NLRC3: variants seen among roughly 807,000 people sequenced by gnomAD.
The protein encoded by NLRC3 is NLR family CARD domain-containing protein 3.
Under a neutral mutation model 91.6 loss-of-function variants are expected in NLRC3, and 87 were observed. That is an observed-to-expected ratio of 0.95 (90% CI 0.80 to 1.14). NLRC3 has a LOEUF of 1.14. NLRC3 is among the 50% of genes most tolerant of loss of function. NLRC3 has a pLI of 0.00. For synonymous variants in NLRC3, 694 were observed against 625.3 expected, an observed-to-expected ratio of 1.11 and a Z score of -1.64; for missense variants, 1,577 against 1,418.6, an observed-to-expected ratio of 1.11 and a Z score of -1.79.
At position 3,564,833 on chromosome 16, in the gene NLRC3, G is replaced by A. The variant is rs375442625; in HGVS notation, c.178+26C>T. The A allele has an allele frequency of 4.5e-5, 71 of 1,587,146 alleles. No individual in the cohort carries two copies. The highest frequency in any genetic ancestry group is 2.9e-4 in the East Asian group (13 of 44,494). On this transcript the variant is annotated intron_variant, in intron 4 of 19. Coordinates refer to ENST00000359128, the MANE Select transcript of NLRC3 (RefSeq NM_178844.4). The surrounding 1 kb of genome is among the most constrained non-coding windows in gnomAD (Gnocchi z 5.9). Reference sequence around the variant, plus strand: ...AATCAGCCCAGGTGTTCCCCACCCCGCGTCTGCCTCCCAAGCCGGTCCTAC... The same window carrying A: ...AATCAGCCCAGGTGTTCCCCACCCCACGTCTGCCTCCCAAGCCGGTCCTAC...
chr16:3,549,134 C>A lies in NLRC3; in HGVS notation c.2603+8G>T. The A allele has an allele frequency of 6.4e-7, 1 of 1,562,508 alleles. No individual in the cohort carries two copies. The highest frequency in any genetic ancestry group is 8.7e-7 in the Non-Finnish European group (1 of 1,151,476). ...CAGCCTGTGGAGTCACAGGCCCCCA[C>A]CACGTACTCCAGGTTCTTCAGGGTG... On this transcript the variant is annotated splice_region_variant and intron_variant, in intron 13 of 19. Transcript: ENST00000359128.
At chr16:3,565,102 C>A in intron 3 of NLRC3, 42 bp from the exon 4 acceptor site, 5 of 1,488,900 alleles carry the variant, frequency 3.4e-6, no homozygotes, top group Middle Eastern at 1.7e-4. Context: ...CCGTGCCCCC[C>A]ATCCAGCAGC....
chr16:3,566,014 T>C (rs1291564179), intron 2 of NLRC3, among the ~76,000 whole-genome samples: 1 of 148,294 alleles, frequency 6.7e-6, no homozygotes, highest in Non-Finnish European at 1.5e-5. Context: ...CACTCCAGCC[T>C]GGGTGACAGA....
intron 15 of NLRC3, among the ~76,000 whole-genome samples, chr16:3,547,308 G>T (rs1405853815): frequency 6.6e-6 from 1 of 152,164 alleles, no homozygotes; most frequent in Non-Finnish European, 1.5e-5. Context: ...GCCACGTGTC[G>T]TATGATTCTA....
At chr16:3,576,768 T>C (rs993156279) in intron 1 of NLRC3, among the ~76,000 whole-genome samples, 1 of 152,102 alleles carries the variant, frequency 6.6e-6, no homozygotes, top group Non-Finnish European at 1.5e-5. Context: ...GTTCAAGCGG[T>C]TCTCCTGCCT....
chr16:3,563,252 G>A lies in NLRC3; in HGVS notation c.1685C>T (p.Ala562Val). Residue 562 changes from alanine (A) to valine (V), a missense_variant, in exon 5 of 20, where the codon GCA (alanine) becomes GTA (valine). By Grantham distance (64) the Ala-to-Val change is moderately conservative. Coordinates refer to ENST00000359128, the MANE Select transcript of NLRC3 (RefSeq NM_178844.4). ...GCLRPDAAVC[A>V]RAINVLHCLH... is the part of the protein sequence containing the mutation. ...GCAGTGCAACACGTTGATGGCCCGT[G>A]CACAGACTGCGGCATCGGGGCGCAG... 1.2e-6 allele frequency: 2 copies of A among 1,606,402 alleles called. No homozygotes were observed. The highest frequency in any genetic ancestry group is 1.7e-6 in the Non-Finnish European group (2 of 1,178,384).
chr16:3,551,410 C>A (rs1398783843), intron 10 of NLRC3, among the ~76,000 whole-genome samples: 5 of 150,590 alleles, frequency 3.3e-5, no homozygotes, highest in African/African-American at 1.2e-4. Context: ...ACCCATCCAC[C>A]CATCTATTCA....
chr16:3,552,017 C>T (rs995584723), intron 10 of NLRC3, among the ~76,000 whole-genome samples, 179 bp downstream of exon 10: 1 of 151,708 alleles, frequency 6.6e-6, no homozygotes, highest in East Asian at 1.9e-4. Flanking sequence ...ATCCATCCAT[C>T]CATCCATTTA....
intron 1 of NLRC3, among the ~76,000 whole-genome samples, chr16:3,571,544 T>TAAAA (rs77866901): frequency 8.5e-6 from 1 of 118,182 alleles, no homozygotes. Context: ...ACCCTGGCTT[T>TAAAA]AAAAAAAAAA....
chr16:3,550,561 G>T, intron 10 of NLRC3, 64 bp from the exon 11 acceptor site: 5 of 1,246,672 alleles, frequency 4.0e-6, no homozygotes, highest in Non-Finnish European at 5.9e-6. Context: ...TGGGCAGAGG[G>T]ATCAGAGTCA....
chr16:3,577,147 A>T lies in NLRC3; in HGVS notation c.-169+2T>A, dbSNP rs868857755. On this transcript the variant is annotated splice_donor_variant, in intron 1 of 19. Transcript: ENST00000359128. LOFTEE classifies it low-confidence loss of function (5UTR_SPLICE). ...CACTGAGGTCACCTGGACCCAACTTACCTCCCGGGCCTCGATGCTGCTCCA... is the reference window on the plus strand; with the variant it reads ...CACTGAGGTCACCTGGACCCAACTTTCCTCCCGGGCCTCGATGCTGCTCCA... 1.1e-5 allele frequency: 8 copies of T among 701,358 alleles called. No individual in the cohort carries two copies. The Middle Eastern group carries it at 1.6e-3, about 141-fold the overall frequency. The allele number at this position is 701,358 out of a possible 1,614,324, so 43.4% of individuals were successfully genotyped here. A position where few individuals can be genotyped will look rare whatever the true frequency, so the allele number is the denominator to read the frequency against.
At chr16:3,565,469 CAAAAAAAAA>C (rs57860901) in intron 2 of NLRC3, 89 bp from the exon 3 acceptor site, 37 of 44,860 alleles carry the variant, frequency 8.2e-4, no homozygotes, top group African/African-American at 2.8e-3. Flanking sequence ...TGGGAAAAAG[CAAAAAAAAA>C]AAAAAAAAAA....
chr16:3,544,094 G>A (rs557108143), intron 16 of NLRC3, 152 bp downstream of exon 16: 1 of 594,820 alleles, frequency 1.7e-6, no homozygotes, highest in Non-Finnish European at 3.0e-6. Flanking sequence ...GGAGGTGGAG[G>A]TTACAGTTAG....
At position 3,548,318 on chromosome 16, in the gene NLRC3, G is replaced by A. The variant is rs1034178405; in HGVS notation, c.2688-100C>T. 13 of 891,080 alleles carry A rather than the reference G, an allele frequency of 1.5e-5. No homozygotes were observed. The African/African-American group carries it at 1.6e-4, about 11-fold the overall frequency. The allele number at this position is 891,080 out of a possible 1,614,324, so 55.2% of individuals were successfully genotyped here. A position where few individuals can be genotyped will look rare whatever the true frequency, so the allele number is the denominator to read the frequency against. On this transcript the variant is annotated intron_variant, in intron 14 of 19. Coordinates refer to ENST00000359128, the MANE Select transcript of NLRC3 (RefSeq NM_178844.4). Reference sequence around the variant, plus strand: ...GATGGCAGGAGGTGGAATCCCTGCAGGATGTGGCAGGAGAATTCCTGCAAC... The same window carrying A: ...GATGGCAGGAGGTGGAATCCCTGCAAGATGTGGCAGGAGAATTCCTGCAAC...
chr16:3,571,276 A>G (rs2040086855), intron 1 of NLRC3, among the ~76,000 whole-genome samples: 1 of 152,132 alleles, frequency 6.6e-6, no homozygotes, highest in East Asian at 1.9e-4. Flanking sequence ...GCACAATAAG[A>G]AAATATGAGA....
intron 9 of NLRC3, 29 bp from the exon 10 acceptor site, chr16:3,552,308 G>A (rs148744868): frequency 6.9e-5 from 107 of 1,539,924 alleles, no homozygotes; most frequent in Middle Eastern, 5.4e-4. Context: ...GGGTCCTTTA[G>A]AAAGGCTGGT....
intron 14 of NLRC3, 25 bp from the exon 15 acceptor site, chr16:3,548,243 CTA>C: frequency 6.7e-7 from 1 of 1,488,360 alleles, no homozygotes; most frequent in Non-Finnish European, 9.2e-7. Flanking sequence ...ACACATGTGA[CTA>C]TGTGACTATG....
At chr16:3,575,447 A>T (rs9930893) in intron 1 of NLRC3, among the ~76,000 whole-genome samples, 1 of 152,004 alleles carries the variant, frequency 6.6e-6, no homozygotes, top group African/African-American at 2.4e-5. Context: ...GACAGGTGGG[A>T]CTCGGGTTGC....
chr16:3,543,560 C>T (rs56108616), intron 16 of NLRC3, 52 bp from the exon 17 acceptor site: 76,908 of 1,221,506 alleles, frequency 0.063, 2,586 homozygotes, highest in Admixed American at 0.068. Flanking sequence ...CACCTCCCTC[C>T]GCATACTCCG....
Sources: gnomAD v4.1 joint callset for allele counts (sites outside exome capture counted in the v4.1 genomes callset) on GRCh38, gnomAD v4.1.1 for gene constraint, Gnocchi (gnomAD v3.1) non-coding constraint, MANE v1.5 for transcripts, NCBI Gene and HGNC (gene_info 2026-07-23, HGNC 2026-07-21) for gene names.